CEP135: variants seen among roughly 807,000 people sequenced by gnomAD.
The protein encoded by CEP135 is centrosomal protein of 135 kDa.
Under a neutral mutation model 157.3 loss-of-function variants are expected in CEP135, and 142 were observed. That is an observed-to-expected ratio of 0.90 (90% CI 0.79 to 1.04). CEP135 has a LOEUF of 1.04. Ranked by LOEUF, CEP135 falls within the 50% of genes least tolerant of loss-of-function variation. The pLI, the probability that CEP135 is intolerant of heterozygous loss-of-function variation, is 0.00. For missense variants in CEP135, 1,317 were observed against 1,309.2 expected (o/e 1.01, Z -0.09); for synonymous variants, 396 against 439.8 (o/e 0.90, Z 1.25).
intron 14 of CEP135, among the ~76,000 whole-genome samples, chr4:55,989,897 A>G (rs1729728449): frequency 6.6e-6 from 1 of 152,166 alleles, no homozygotes; most frequent in South Asian, 2.1e-4. Context: ...TGAGCCAACA[A>G]TTCCCTTTCT....
chr4:55,962,261 G>A (rs1380590537), intron 6 of CEP135, among the ~76,000 whole-genome samples: 4 of 151,918 alleles, frequency 2.6e-5, no homozygotes, highest in African/African-American at 7.2e-5. Flanking sequence ...CACCACACCC[G>A]GCTAATTGTT....
Position 56,011,865 on chromosome 4 carries a change from G to A in CEP135, c.2682G>A (p.Glu894=). ...TTCATAACCGTGCTGAAGACTGGGAGGTCAAAGCCCATCAAGCTGAGGGAG... is the reference window on the plus strand; with the variant it reads ...TTCATAACCGTGCTGAAGACTGGGAAGTCAAAGCCCATCAAGCTGAGGGAG... ...QMLHNRAEDW[E]VKAHQAEGES... is the part of the protein sequence containing the mutation. Residue 894 remains glutamate, a synonymous_variant, in exon 21 of 26, where the codon GAG becomes GAA. Transcript: ENST00000257287. 4 of 1,607,134 alleles carry A rather than the reference G, an allele frequency of 2.5e-6. No homozygotes were observed. The highest frequency in any genetic ancestry group is 4.5e-5 in the East Asian group (2 of 44,378).
intron 8 of CEP135, among the ~76,000 whole-genome samples, chr4:55,968,039 A>G (rs1445661955): frequency 6.6e-6 from 1 of 152,218 alleles, no homozygotes; most frequent in East Asian, 1.9e-4. Context: ...CAGAAACCAG[A>G]ACTAATAAAC....
At chr4:55,987,594 C>T (rs781129763) in intron 14 of CEP135, among the ~76,000 whole-genome samples, 16 of 152,136 alleles carry the variant, frequency 1.1e-4, no homozygotes, top group Non-Finnish European at 1.9e-4. Flanking sequence ...TTGCCTGGTG[C>T]CTATTGTCCT....
intron 8 of CEP135, among the ~76,000 whole-genome samples, chr4:55,967,780 TA>T (rs1728887847): frequency 6.6e-6 from 1 of 152,148 alleles, no homozygotes; most frequent in African/African-American, 2.4e-5. Flanking sequence ...ATTACCTCAA[TA>T]TTTTAAAAAC....
chr4:56,002,028 T>C (rs564585561), intron 17 of CEP135, among the ~76,000 whole-genome samples: 231 of 152,262 alleles, frequency 1.5e-3, no homozygotes, highest in Admixed American at 2.7e-3. Context: ...GGAATTGTTT[T>C]GTTGATTTAT....
At chr4:56,008,022 T>C (rs1577904070) in intron 17 of CEP135, among the ~76,000 whole-genome samples, 1 of 152,218 alleles carries the variant, frequency 6.6e-6, no homozygotes, top group Non-Finnish European at 1.5e-5. Context: ...CCATATTTTC[T>C]AATGTTTAAA....
chr4:56,024,367 G>C (rs1162494232), intron 24 of CEP135, 134 bp from the exon 25 acceptor site: 3 of 557,298 alleles, frequency 5.4e-6, no homozygotes, highest in Non-Finnish European at 9.5e-6. Context: ...ATTGTACAAA[G>C]ACATAGGATT....
At chr4:56,009,068 T>TA (rs1043453097) in intron 18 of CEP135, among the ~76,000 whole-genome samples, 2 of 151,904 alleles carry the variant, frequency 1.3e-5, no homozygotes, top group Non-Finnish European at 2.9e-5. Flanking sequence ...TCAGCTAATT[T>TA]AAAAAAAAAT....
chr4:56,011,554 C>T, intron 20 of CEP135, 32 bp downstream of exon 20: 1 of 1,417,522 alleles, frequency 7.1e-7, no homozygotes, highest in Non-Finnish European at 9.7e-7. Flanking sequence ...GGATTTAAGA[C>T]TGAGGTTTTT....
At chr4:55,962,523 T>A (rs1728714325) in intron 6 of CEP135, among the ~76,000 whole-genome samples, 1 of 152,178 alleles carries the variant, frequency 6.6e-6, no homozygotes, top group South Asian at 2.1e-4. Flanking sequence ...TCCTGCTCAC[T>A]CCTTAACCTA....
In CEP135 at chr4:55,985,364, G is replaced by A. The variant is rs762691268; in HGVS notation, c.1857+6G>A. ...TGACATGTGTTAATCATCAGGTAAT[G>A]TATCAAACTGGATTTGGGGTATCTT... On this transcript the variant is annotated splice_donor_region_variant and intron_variant, in intron 14 of 25. Coordinates refer to ENST00000257287, the MANE Select transcript of CEP135 (RefSeq NM_025009.5). 6.6e-6 allele frequency: 10 copies of A among 1,521,596 alleles called. No homozygotes were observed. In the Admixed American group the frequency reaches 1.0e-4, roughly 16 times the overall value. 94.3% of individuals were successfully genotyped at this position (1,521,596 alleles called of 1,614,324 possible).
At chr4:56,002,349 C>G (rs1730205878) in intron 17 of CEP135, among the ~76,000 whole-genome samples, 1 of 152,008 alleles carries the variant, frequency 6.6e-6, no homozygotes, top group Non-Finnish European at 1.5e-5. Context: ...TTCAAGTTTT[C>G]CCCGTTCAAT....
intron 4 of CEP135, among the ~76,000 whole-genome samples, chr4:55,956,833 C>T (rs1287878110): frequency 2.0e-5 from 3 of 152,072 alleles, no homozygotes; most frequent in Non-Finnish European, 4.4e-5. Context: ...GGCTTGGTCT[C>T]GAACTCCCAA....
chr4:55,983,842 T>C (rs577892184), intron 13 of CEP135, among the ~76,000 whole-genome samples: 2 of 152,254 alleles, frequency 1.3e-5, no homozygotes, highest in African/African-American at 4.8e-5. Context: ...TTTTAATAGG[T>C]ACTGCTTACA....
chr4:55,991,124 T>C (rs1729775201), intron 14 of CEP135, among the ~76,000 whole-genome samples: 1 of 152,092 alleles, frequency 6.6e-6, no homozygotes, highest in Non-Finnish European at 1.5e-5. Context: ...TACAGGCATG[T>C]GCCACCACGC....
At chr4:55,994,619 T>G (rs1422202959) in intron 15 of CEP135, among the ~76,000 whole-genome samples, 4 of 151,992 alleles carry the variant, frequency 2.6e-5, no homozygotes, top group Non-Finnish European at 5.9e-5. Context: ...CTTTTTCCCT[T>G]CCTGCTTCAG....
intron 6 of CEP135, chr4:55,960,212 T>TAA (rs1728634241): frequency 5.8e-6 from 1 of 173,042 alleles, no homozygotes; most frequent in Admixed American, 6.3e-5. Context: ...TTTATAATTG[T>TAA]ATTTTTGTGA....
rs141419264 is a variant in CEP135 at position 56,025,047 on chromosome 4, G to T, written c.*11+433G>T. Among the ~76,000 whole-genome samples, 788 of 152,152 alleles carry T rather than the reference G, an allele frequency of 5.2e-3. 9 individuals carry two copies. The highest frequency in any genetic ancestry group is 0.018 in the African/African-American group (746 of 41,512). On this transcript the variant is annotated intron_variant, in intron 25 of 25. Coordinates refer to ENST00000257287, the MANE Select transcript of CEP135 (RefSeq NM_025009.5). ...CCAGGTACCAGCTGCTGGGGAGGTG[G>T]GGGAGGATACTGAGGCAGGGGGATG...
Sources: gnomAD v4.1 joint callset for allele counts (sites outside exome capture counted in the v4.1 genomes callset) on GRCh38, gnomAD v4.1.1 for gene constraint, MANE v1.5 for transcripts, NCBI Gene and HGNC (gene_info 2026-07-23, HGNC 2026-07-21) for gene names.